The following PPM1H variants were observed in gnomAD, a reference collection of about 807,000 sequenced individuals.
PPM1H encodes protein phosphatase, Mg2+/Mn2+ dependent 1H, also known as protein phosphatase 1H.
PPM1H carries 27 observed loss-of-function variants against 54.9 expected under a neutral mutation model. That is an observed-to-expected ratio of 0.49 (90% CI 0.36 to 0.68). The LOEUF is 0.68. Ranked by LOEUF, PPM1H falls within the 30% of genes least tolerant of loss-of-function variation. The pLI is 0.00. For missense variants in PPM1H, 596 were observed against 667.8 expected (o/e 0.89, Z 1.19); for synonymous variants, 305 against 270.8 (o/e 1.13, Z -1.24).
chr12:62,728,505 C>T (rs1322115231), intron 5 of PPM1H, among the ~76,000 whole-genome samples: 1 of 152,154 alleles, frequency 6.6e-6, no homozygotes, highest in Non-Finnish European at 1.5e-5. Flanking sequence ...ACAACTCCAT[C>T]CCAAAGAAAG....
chr12:62,884,519 G>A lies in PPM1H; in HGVS notation c.245+49973C>T, dbSNP rs866111650. 4.6e-3 allele frequency among the ~76,000 whole-genome samples: 549 copies of A among 118,126 alleles called. 4 individuals are homozygous for A. The highest frequency in any genetic ancestry group is 0.013 in the Middle Eastern group (3 of 230). The allele number at this position is 118,126 out of a possible 152,430, so 77.5% of individuals were successfully genotyped here. A position where few individuals can be genotyped will look rare whatever the true frequency, so the allele number is the denominator to read the frequency against. ...TCCATATCAAAAAAAAAAAAAAAAA[G>A]AAAGAAAGAAAGAGAGAAAAGAAAA... On this transcript the variant is annotated intron_variant, in intron 1 of 9. Coordinates refer to ENST00000228705, the MANE Select transcript of PPM1H (RefSeq NM_020700.2).
At chr12:62,824,327 A>C (rs184875908) in intron 2 of PPM1H, among the ~76,000 whole-genome samples, 85 of 152,362 alleles carry the variant, frequency 5.6e-4, no homozygotes, top group African/African-American at 2.0e-3. Flanking sequence ...CATACTGCCC[A>C]AAGTAATTTA....
At chr12:62,740,253 C>T (rs1046122139) in intron 4 of PPM1H, among the ~76,000 whole-genome samples, 1 of 152,190 alleles carries the variant, frequency 6.6e-6, no homozygotes, top group Non-Finnish European at 1.5e-5. Context: ...TTGCCTCCCT[C>T]TACACCCAGC....
At chr12:62,660,087 G>A (rs754527764) in intron 9 of PPM1H, among the ~76,000 whole-genome samples, 16 of 152,118 alleles carry the variant, frequency 1.1e-4, no homozygotes, top group Non-Finnish European at 1.9e-4. Context: ...TTATGACTTG[G>A]CAACTTCTAC....
chr12:62,669,214 A>G (rs2075939542), intron 8 of PPM1H, among the ~76,000 whole-genome samples: 2 of 152,256 alleles, frequency 1.3e-5, no homozygotes, highest in Admixed American at 1.3e-4. Context: ...CAGACCAGAA[A>G]GTCCCAAATG....
At position 62,720,140 on chromosome 12, in the gene PPM1H, G is replaced by T. The variant is rs369120120; in HGVS notation, c.1073+31C>A. On this transcript the variant is annotated intron_variant, in intron 6 of 9. Coordinates refer to ENST00000228705, the MANE Select transcript of PPM1H (RefSeq NM_020700.2). Reference sequence around the variant, plus strand: ...GATGCTTCCTTCACACACACTGTGTGGTTCCGAGGCAGAGGAAGGCATGTT... The same window carrying T: ...GATGCTTCCTTCACACACACTGTGTTGTTCCGAGGCAGAGGAAGGCATGTT... The T allele has an allele frequency of 4.1e-4, 620 of 1,515,958 alleles. 1 individual carries two copies. Among genetic ancestry groups the T allele is most frequent in the Non-Finnish European group, 9.0e-5 (98 of 1,091,022 alleles). The allele number at this position is 1,515,958 out of a possible 1,614,324, so 93.9% of individuals were successfully genotyped here.
chr12:62,905,078 T>C (rs934288542), intron 1 of PPM1H, among the ~76,000 whole-genome samples: 1 of 152,198 alleles, frequency 6.6e-6, no homozygotes, highest in African/African-American at 2.4e-5. Flanking sequence ...TTCTCTCTCC[T>C]GGGCTTCAAT....
chr12:62,899,851 A>G (rs1266698533), intron 1 of PPM1H, among the ~76,000 whole-genome samples: 3 of 152,184 alleles, frequency 2.0e-5, no homozygotes, highest in Non-Finnish European at 4.4e-5. Context: ...CTCCAAATTG[A>G]TATGTTGAAA....
At chr12:62,652,682 C>T (rs932881395) in intron 9 of PPM1H, among the ~76,000 whole-genome samples, 1 of 152,086 alleles carries the variant, frequency 6.6e-6, no homozygotes, top group Non-Finnish European at 1.5e-5. Context: ...ATAAGTTAAT[C>T]GTATTTCTGT....
chr12:62,811,001 G>A (rs999605080), intron 2 of PPM1H, among the ~76,000 whole-genome samples: 3 of 152,174 alleles, frequency 2.0e-5, no homozygotes, highest in African/African-American at 7.2e-5. Context: ...TAACAATCTA[G>A]AATATGATCA....
chr12:62,916,680 C>T (rs866291068), intron 1 of PPM1H, among the ~76,000 whole-genome samples: 1 of 151,358 alleles, frequency 6.6e-6, no homozygotes, highest in Non-Finnish European at 1.5e-5. Flanking sequence ...ATGAATTGTA[C>T]TTAAATCAGA....
At chr12:62,912,880 T>C (rs1323457721) in intron 1 of PPM1H, among the ~76,000 whole-genome samples, 1 of 152,218 alleles carries the variant, frequency 6.6e-6, no homozygotes, top group Non-Finnish European at 1.5e-5. Flanking sequence ...ATCCAACTGC[T>C]TCCACCTGGC....
chr12:62,661,249 A>AACTC (rs1482365590), intron 9 of PPM1H, among the ~76,000 whole-genome samples: 1 of 152,042 alleles, frequency 6.6e-6, no homozygotes, highest in Non-Finnish European at 1.5e-5. Flanking sequence ...CCAGACTGTA[A>AACTC]ACTCAAAGAG....
At chr12:62,648,749 TAC>T (rs2075800171) in intron 9 of PPM1H, 113 bp from the exon 10 acceptor site, 1 of 1,177,350 alleles carries the variant, frequency 8.5e-7, no homozygotes, top group African/African-American at 1.5e-5. Context: ...AAGTTTCAAA[TAC>T]ACTTACAATA....
intron 1 of PPM1H, among the ~76,000 whole-genome samples, chr12:62,890,611 T>C (rs898755695): frequency 2.6e-5 from 4 of 152,032 alleles, no homozygotes; most frequent in Admixed American, 2.6e-4. Context: ...AAACAGCTAT[T>C]AGCAACTGAA....
chr12:62,713,014 A>G (rs1370027262), intron 6 of PPM1H, among the ~76,000 whole-genome samples: 1 of 152,204 alleles, frequency 6.6e-6, no homozygotes, highest in Non-Finnish European at 1.5e-5. Flanking sequence ...GCTTGAATGC[A>G]CTGTCAGAGG....
At chr12:62,818,618 G>A (rs1293755382) in intron 2 of PPM1H, among the ~76,000 whole-genome samples, 1 of 151,870 alleles carries the variant, frequency 6.6e-6, no homozygotes, top group East Asian at 1.9e-4. Flanking sequence ...TCAGAGGTAG[G>A]CATGTCAAGA....
chr12:62,809,392 C>T (rs2076822934), intron 2 of PPM1H, among the ~76,000 whole-genome samples: 1 of 152,200 alleles, frequency 6.6e-6, no homozygotes, highest in African/African-American at 2.4e-5. Context: ...CCCTTCTTTC[C>T]TACCTGGTTC....
intron 5 of PPM1H, among the ~76,000 whole-genome samples, chr12:62,731,901 G>A (rs571099976): frequency 2.0e-5 from 3 of 152,158 alleles, no homozygotes; most frequent in Non-Finnish European, 4.4e-5. Flanking sequence ...AGCAAAGGTA[G>A]GGGTGATTTC....
Sources: allele counts gnomAD v4.1 joint callset (sites outside exome capture counted in the v4.1 genomes callset), GRCh38; gene constraint gnomAD v4.1.1; transcripts MANE v1.5; gene names NCBI Gene and HGNC (gene_info 2026-07-23, HGNC 2026-07-21).